The following DLG2 variants were observed in gnomAD, a reference collection of about 807,000 sequenced individuals.
The protein encoded by DLG2 is disks large homolog 2.
In DLG2, 45 loss-of-function variants were observed where a neutral mutation model predicts 132.5. The ratio of observed to expected loss-of-function variants is 0.34; its 90% CI spans 0.27 to 0.44. The LOEUF (loss-of-function observed/expected upper bound fraction) is 0.44, where lower values mean the gene tolerates loss of function less well. Ranked by LOEUF, DLG2 falls within the 20% of genes least tolerant of loss-of-function variation. DLG2 has a pLI of 1.00. For synonymous variants in DLG2, 424 were observed against 419.6 expected, an observed-to-expected ratio of 1.01 and a Z score of -0.13; for missense variants, 1,045 against 1,196.9, an observed-to-expected ratio of 0.87 and a Z score of 1.87.
chr11:84,536,031 A>G (rs897270705), intron 6 of DLG2, among the ~76,000 whole-genome samples: 2 of 151,970 alleles, frequency 1.3e-5, no homozygotes, highest in African/African-American at 2.4e-5. Context: ...CACTCCAGGG[A>G]TGGTAATTCA....
intron 6 of DLG2, among the ~76,000 whole-genome samples, chr11:84,982,836 TGATCA>T (rs2055946886): frequency 6.6e-6 from 1 of 151,958 alleles, no homozygotes; most frequent in South Asian, 2.1e-4. Context: ...AACAAACACA[TGATCA>T]GATCAATTTA....
intron 18 of DLG2, among the ~76,000 whole-genome samples, chr11:83,668,818 A>AACAC (rs10635193): frequency 9.9e-6 from 1 of 101,486 alleles, no homozygotes; most frequent in Non-Finnish European, 1.9e-5. Context: ...TGTGTATATA[A>AACAC]ACATATATAT....
At chr11:84,764,223 G>A (rs1209545817) in intron 6 of DLG2, among the ~76,000 whole-genome samples, 1 of 152,062 alleles carries the variant, frequency 6.6e-6, no homozygotes, top group Non-Finnish European at 1.5e-5. Context: ...GGCAGCTGGA[G>A]GCAGGTGGCC....
chr11:84,705,646 A>G (rs1300979931), intron 6 of DLG2, among the ~76,000 whole-genome samples: 1 of 151,532 alleles, frequency 6.6e-6, no homozygotes, highest in African/African-American at 2.4e-5. Context: ...TTATCAACCA[A>G]CTTCTAGGTC....
intron 19 of DLG2, among the ~76,000 whole-genome samples, chr11:83,573,191 T>TA (rs1382825717): frequency 6.6e-6 from 1 of 152,142 alleles, no homozygotes; most frequent in Non-Finnish European, 1.5e-5. Context: ...CTAAATAAAT[T>TA]ATGAAGTTAT....
intron 16 of DLG2, among the ~76,000 whole-genome samples, chr11:83,837,950 A>G (rs1257096283): frequency 6.6e-6 from 1 of 152,144 alleles, no homozygotes; most frequent in South Asian, 2.1e-4. Flanking sequence ...CAGAATTTTC[A>G]TGAAAAGGTT....
intron 6 of DLG2, among the ~76,000 whole-genome samples, chr11:84,854,777 T>C (rs2082567020): frequency 6.6e-6 from 1 of 151,950 alleles, no homozygotes; most frequent in Non-Finnish European, 1.5e-5. Context: ...CTATAAATCC[T>C]ACCCACCCAT....
intron 15 of DLG2, among the ~76,000 whole-genome samples, chr11:83,925,641 C>T (rs1029640604): frequency 1.1e-4 from 16 of 151,886 alleles, no homozygotes; most frequent in South Asian, 4.2e-4. Flanking sequence ...TGTTTTATGA[C>T]GATATAGTGC....
intron 17 of DLG2, among the ~76,000 whole-genome samples, chr11:83,813,748 A>C (rs1353717388): frequency 6.6e-6 from 1 of 152,166 alleles, no homozygotes; most frequent in African/African-American, 2.4e-5. Flanking sequence ...ATGGTCTTGC[A>C]AGTGCTTTAT....
chr11:84,333,261 T>G (rs1183236979), intron 7 of DLG2, among the ~76,000 whole-genome samples: 3 of 152,222 alleles, frequency 2.0e-5, no homozygotes, highest in African/African-American at 7.2e-5. Context: ...GAAAATGAAA[T>G]TGTGCTGTTA....
At chr11:83,832,688 C>T (rs1467330810) in intron 17 of DLG2, among the ~76,000 whole-genome samples, 1 of 152,084 alleles carries the variant, frequency 6.6e-6, no homozygotes, top group African/African-American at 2.4e-5. Context: ...CAATTGTATG[C>T]TCAACCTCAG....
At chr11:84,280,015 G>A (rs1011576593) in intron 7 of DLG2, among the ~76,000 whole-genome samples, 2 of 152,054 alleles carry the variant, frequency 1.3e-5, no homozygotes, top group South Asian at 2.1e-4. Flanking sequence ...CAACATTGTC[G>A]GAGAGGTTCC....
At chr11:84,566,641 C>A (rs1686101587) in intron 6 of DLG2, among the ~76,000 whole-genome samples, 1 of 152,140 alleles carries the variant, frequency 6.6e-6, no homozygotes, top group Admixed American at 6.6e-5. Flanking sequence ...AGAGGAAATC[C>A]TCTGTCACAA....
intron 6 of DLG2, among the ~76,000 whole-genome samples, chr11:84,813,569 T>A (rs2076797038): frequency 6.6e-6 from 1 of 152,046 alleles, no homozygotes; most frequent in African/African-American, 2.4e-5. Context: ...AGAAAAAGGC[T>A]GGTGTGGGAC....
chr11:85,544,021 T>C lies in DLG2; in HGVS notation c.40+54636A>G, dbSNP rs972839519. Among the ~76,000 whole-genome samples, 3 of 152,236 alleles carry C rather than the reference T, an allele frequency of 2.0e-5. No individual in the cohort carries two copies. In the South Asian group the frequency reaches 6.2e-4, roughly 31 times the overall value. Reference sequence around the variant, plus strand: ...AGATCCCATTTGTCAATTTTGGCTTTAGTTGCCGCTGCTTTTGGTGTTTTA... The same window carrying C: ...AGATCCCATTTGTCAATTTTGGCTTCAGTTGCCGCTGCTTTTGGTGTTTTA... On this transcript the variant is annotated intron_variant, in intron 3 of 27. Coordinates refer to ENST00000376104, the MANE Select transcript of DLG2 (RefSeq NM_001142699.3).
intron 6 of DLG2, among the ~76,000 whole-genome samples, chr11:84,898,921 T>C (rs1317661464): frequency 1.3e-5 from 2 of 152,052 alleles, no homozygotes; most frequent in African/African-American, 2.4e-5. Flanking sequence ...AATTATTCAT[T>C]CATATGCCTA....
At chr11:84,562,755 T>C (rs1277690056) in intron 6 of DLG2, among the ~76,000 whole-genome samples, 1 of 151,728 alleles carries the variant, frequency 6.6e-6, no homozygotes, top group East Asian at 1.9e-4. Context: ...CTTTCTTTTT[T>C]TTTTTTTCTT....
chr11:84,534,422 C>A, intron 7 of DLG2, 148 bp downstream of exon 7: 2 of 685,078 alleles, frequency 2.9e-6, no homozygotes, highest in Non-Finnish European at 4.9e-6. Context: ...AGGTGGGCCT[C>A]CAATGCACAA....
At chr11:83,470,947 CAG>C (rs1334705766) in intron 24 of DLG2, among the ~76,000 whole-genome samples, 11 of 151,940 alleles carry the variant, frequency 7.2e-5, no homozygotes, top group Non-Finnish European at 1.2e-4. Flanking sequence ...TTCTGTTTGA[CAG>C]AGTCGGGGTG....
Sources: gnomAD v4.1 joint callset for allele counts (sites outside exome capture counted in the v4.1 genomes callset) on GRCh38, gnomAD v4.1.1 for gene constraint, MANE v1.5 for transcripts, NCBI Gene and HGNC (gene_info 2026-07-23, HGNC 2026-07-21) for gene names.